The following ERG variants were observed in gnomAD, a reference collection of about 807,000 sequenced individuals.
ERG encodes the protein transcriptional regulator ERG.
A neutral mutation model predicts 55.3 loss-of-function variants in ERG; 9 were observed. The ratio of observed to expected loss-of-function variants is 0.16; its 90% CI spans 0.10 to 0.28. ERG has a LOEUF of 0.28. Ranked by LOEUF, ERG falls within the 10% of genes least tolerant of loss-of-function variation. ERG has a pLI of 1.00. For synonymous variants in ERG, 223 were observed against 237.3 expected, an observed-to-expected ratio of 0.94 and a Z score of 0.55; for missense variants, 434 against 631.6, an observed-to-expected ratio of 0.69 and a Z score of 3.35.
chr21:38,551,390 A>C (rs1226846189), intron 2 of ERG, among the ~76,000 whole-genome samples: 1 of 152,048 alleles, frequency 6.6e-6, no homozygotes, highest in Non-Finnish European at 1.5e-5. Flanking sequence ...TTCTGCTAGC[A>C]GTAAGTTTGG....
At chr21:38,391,591 C>T (rs900929622) in intron 8 of ERG, 68 bp downstream of exon 8, 32 of 1,267,698 alleles carry the variant, frequency 2.5e-5, no homozygotes, top group South Asian at 1.5e-4. Context: ...AAAAGTGAAG[C>T]ATTTTAGAAA....
chr21:38,586,176 AATATATATATAT>A (rs56413525), upstream of ERG, among the ~76,000 whole-genome samples: 22 of 128,618 alleles, frequency 1.7e-4, no homozygotes, highest in African/African-American at 3.8e-4. Context: ...TATGTTTTGA[AATATATATATAT>A]ATATATATAT....
At chr21:38,419,194 C>T (rs1253014921) in intron 3 of ERG, among the ~76,000 whole-genome samples, 1 of 152,142 alleles carries the variant, frequency 6.6e-6, no homozygotes, top group Non-Finnish European at 1.5e-5. Flanking sequence ...GGAATTATGG[C>T]CTAACCAGTA....
intron 3 of ERG, among the ~76,000 whole-genome samples, chr21:38,419,000 C>G (rs1018709651): frequency 1.3e-5 from 2 of 151,430 alleles, no homozygotes; most frequent in African/African-American, 4.9e-5. Flanking sequence ...AAATTAAGCT[C>G]GGCCAAAAAA....
In ERG at chr21:38,382,700, C is replaced by T. The variant is rs1204096570; in HGVS notation, c.*703G>A. ...TCTCTGCCTCTTCCTCCTCCTTCTT[C>T]ACCCCTCTGTCTACAATCACACGCT... is the stretch of plus-strand genomic sequence containing the variant. On this transcript the variant is annotated 3_prime_UTR_variant, in exon 10 of 10. Coordinates refer to ENST00000288319, the MANE Select transcript of ERG (RefSeq NM_182918.4). 9.4e-6 allele frequency: 10 copies of T among 1,067,040 alleles called. No individual in the cohort carries two copies. Among genetic ancestry groups the T allele is most frequent in the Non-Finnish European group, 1.0e-5 (9 of 880,046 alleles). The allele number at this position is 1,067,040 out of a possible 1,614,324, so 66.1% of individuals were successfully genotyped here. A position where few individuals can be genotyped will look rare whatever the true frequency, so the allele number is the denominator to read the frequency against.
intron 2 of ERG, among the ~76,000 whole-genome samples, chr21:38,432,310 CCTCTAA>C (rs1014735015): frequency 4.6e-5 from 7 of 152,020 alleles, no homozygotes; most frequent in Non-Finnish European, 1.0e-4. Flanking sequence ...CCCAGGCTGG[CCTCTAA>C]CTCCTGTCCT....
intron 2 of ERG, among the ~76,000 whole-genome samples, chr21:38,424,181 GCTCGAGCTCTCTCTCTCTCTCT>G (rs1310407886): frequency 4.5e-5 from 4 of 88,002 alleles, no homozygotes; most frequent in Non-Finnish European, 7.0e-5. Flanking sequence ...AGAGACCAGA[GCTCGAGCTCTCTCTCTCTCTCT>G]CTCTCTCTCT....
intron 3 of ERG, among the ~76,000 whole-genome samples, chr21:38,418,902 G>A (rs1389050337): frequency 7.4e-6 from 1 of 135,164 alleles, no homozygotes; most frequent in Non-Finnish European, 1.5e-5. Context: ...AATTCAGTCT[G>A]GGGAACAAGA....
At chr21:38,614,823 GA>G (rs1482824871) in intron 1 of ERG, among the ~76,000 whole-genome samples, 1 of 152,236 alleles carries the variant, frequency 6.6e-6, no homozygotes, top group African/African-American at 2.4e-5. Context: ...CTCCTTTGGG[GA>G]AATATCCTGT....
intron 1 of ERG, among the ~76,000 whole-genome samples, chr21:38,626,696 T>C (rs1232873161): frequency 6.6e-6 from 1 of 152,256 alleles, no homozygotes; most frequent in African/African-American, 2.4e-5. Context: ...TAAATGTTTA[T>C]GGCTTTTTAA....
chr21:38,374,125 A>G, the ERG span, among the ~76,000 whole-genome samples: 1 of 152,234 alleles, frequency 6.6e-6, no homozygotes, highest in African/African-American at 2.4e-5. Context: ...TGAATGGCTT[A>G]TATTTTAAAA....
At chr21:38,661,128 G>A (rs895452308) in intron 1 of ERG, among the ~76,000 whole-genome samples, 4 of 151,562 alleles carry the variant, frequency 2.6e-5, no homozygotes, top group African/African-American at 9.7e-5. Flanking sequence ...CTACTGGAGG[G>A]GCGAGGAGCA....
chr21:38,479,516 G>C (rs1195278598), intron 1 of ERG, among the ~76,000 whole-genome samples: 3 of 152,184 alleles, frequency 2.0e-5, no homozygotes, highest in South Asian at 2.1e-4. Flanking sequence ...AATCCAGTGA[G>C]AGCATCCTCA....
intron 2 of ERG, among the ~76,000 whole-genome samples, chr21:38,517,377 A>G (rs2059560055): frequency 1.3e-5 from 2 of 152,194 alleles, no homozygotes; most frequent in South Asian, 4.1e-4. Context: ...ATCACTAATC[A>G]TCAGGGAAAT....
At chr21:38,400,690 G>A (rs372625939) in intron 5 of ERG, 45 bp from the exon 6 acceptor site, 2 of 1,479,118 alleles carry the variant, frequency 1.4e-6, no homozygotes, top group East Asian at 2.3e-5. Flanking sequence ...CTTTTGTTGT[G>A]GTTGTCGATC....
chr21:38,576,378 C>T (rs1447013989), intron 1 of ERG, among the ~76,000 whole-genome samples: 4 of 152,068 alleles, frequency 2.6e-5, no homozygotes, highest in African/African-American at 4.8e-5. Context: ...GGTTAATAAG[C>T]GACAGAACCA....
intron 2 of ERG, among the ~76,000 whole-genome samples, chr21:38,427,156 G>A (rs1989868438): frequency 6.6e-6 from 1 of 152,174 alleles, no homozygotes; most frequent in African/African-American, 2.4e-5. Flanking sequence ...GCTGAGGCAG[G>A]CAGATCACTT....
chr21:38,542,279 C>T (rs2059758835), intron 2 of ERG, among the ~76,000 whole-genome samples: 1 of 152,258 alleles, frequency 6.6e-6, no homozygotes, highest in East Asian at 1.9e-4. Context: ...TGAGTCACCG[C>T]GCCTGGCCTA....
the ERG span, among the ~76,000 whole-genome samples, chr21:38,373,226 T>C: frequency 7.2e-5 from 11 of 152,240 alleles, no homozygotes; most frequent in Admixed American, 7.2e-4. Context: ...TGCTTGTGAA[T>C]CCTATAGACT....
Sources: allele counts gnomAD v4.1 joint callset (sites outside exome capture counted in the v4.1 genomes callset), GRCh38; gene constraint gnomAD v4.1.1; transcripts MANE v1.5; gene names NCBI Gene and HGNC (gene_info 2026-07-23, HGNC 2026-07-21).